The following HM13 variants were observed in gnomAD, a reference collection of about 807,000 sequenced individuals.
HM13 encodes the protein signal peptide peptidase.
In HM13, 18 loss-of-function variants were observed where a neutral mutation model predicts 50.0. The ratio of observed to expected loss-of-function variants is 0.36; its 90% CI spans 0.25 to 0.53. HM13 has a LOEUF of 0.53. HM13 is among the 20% of genes least tolerant of loss of function. HM13 has a pLI of 0.90. For synonymous variants in HM13, 197 were observed against 232.6 expected (o/e 0.85, Z 1.39); for missense variants, 393 against 552.4 (o/e 0.71, Z 2.89).
intron 4 of HM13, chr20:31,547,962 A>C: frequency 1.3e-6 from 2 of 1,513,920 alleles, no homozygotes; most frequent in Non-Finnish European, 1.8e-6. Context: ...TGTCTGCAGA[A>C]GATATTGAGA....
At chr20:31,529,131 A>G (rs1293709065) in intron 2 of HM13, among the ~76,000 whole-genome samples, 2 of 151,736 alleles carry the variant, frequency 1.3e-5, no homozygotes, top group African/African-American at 4.8e-5. Context: ...GTTTTATTGT[A>G]TTTTATTTTT....
At position 31,514,470 on chromosome 20, in the gene HM13, T is replaced by C. The variant is rs1239879554; in HGVS notation, c.-82T>C. On this transcript the variant is annotated 5_prime_UTR_variant, in exon 1 of 13. Transcript: ENST00000398174. This position sits in a 1 kb window ranked among gnomAD's most constrained non-coding sequence, Gnocchi z 4.3. ...TCCTGTTGCCTTAGGGGAACGTGGCTTTCCCTGCAGAGCCGGTGTCTCCGC... is the reference window on the plus strand; with the variant it reads ...TCCTGTTGCCTTAGGGGAACGTGGCCTTCCCTGCAGAGCCGGTGTCTCCGC... 6.8e-7 allele frequency: 1 copy of C among 1,467,012 alleles called. No homozygotes were observed. The allele number at this position is 1,467,012 out of a possible 1,614,324, so 90.9% of individuals were successfully genotyped here.
rs574932643 is a variant in HM13, at chr20:31,521,051, T to G, written c.183+6317T>G. Among the ~76,000 whole-genome samples, 22 of 152,388 alleles carry G rather than the reference T, an allele frequency of 1.4e-4. No individual in the cohort carries two copies. The South Asian group carries it at 4.6e-3, about 32-fold the overall frequency. ...TTTGTGTCAGGTTTTTCCCCCACTT[T>G]CTAATTGTGTTTTATGTTGCAGGAT... On this transcript the variant is annotated intron_variant, in intron 1 of 12. Coordinates refer to ENST00000398174, the MANE Select transcript of HM13 (RefSeq NM_178581.3).
At chr20:31,517,311 C>T (rs1225789987) in intron 1 of HM13, among the ~76,000 whole-genome samples, 1 of 152,078 alleles carries the variant, frequency 6.6e-6, no homozygotes, top group African/African-American at 2.4e-5. Flanking sequence ...GAAGAAGTAG[C>T]CTTGGGAGGA....
chr20:31,569,514 G>C lies in HM13; in HGVS notation c.*295G>C, dbSNP rs1261903705. On this transcript the variant is annotated 3_prime_UTR_variant, in exon 13 of 13. Transcript: ENST00000398174. ...AGATTTTGTATTGTGGACTGATTTT[G>C]CCTCACATTAAAAACTCATCCCATG... 1 of 267,452 alleles carries C rather than the reference G, an allele frequency of 3.7e-6. No homozygotes were observed. Among genetic ancestry groups the C allele is most frequent in the African/African-American group, 2.2e-5 (1 of 45,422 alleles). 16.6% of individuals were successfully genotyped at this position (267,452 alleles called of 1,614,324 possible).
intron 4 of HM13, chr20:31,547,530 A>G (rs950286496): frequency 2.4e-5 from 19 of 800,846 alleles, no homozygotes; most frequent in Non-Finnish European, 3.8e-5. Context: ...ATGAAAAGGA[A>G]AGTGTGTCCA....
chr20:31,543,070 T>C (rs1466557082), intron 3 of HM13, among the ~76,000 whole-genome samples: 1 of 152,142 alleles, frequency 6.6e-6, no homozygotes, highest in Non-Finnish European at 1.5e-5. Flanking sequence ...CCCCCAAAAC[T>C]GATTCAGCAA....
At chr20:31,517,413 GT>G (rs1223049079) in intron 1 of HM13, among the ~76,000 whole-genome samples, 3 of 152,152 alleles carry the variant, frequency 2.0e-5, no homozygotes, top group Admixed American at 6.6e-5. Context: ...TTAAACATTG[GT>G]TTAAAGGGCC....
intron 7 of HM13, chr20:31,550,335 C>G (rs1983975737): frequency 1.8e-6 from 1 of 564,380 alleles, no homozygotes; most frequent in Middle Eastern, 4.8e-4. Flanking sequence ...CGTGGTGCAG[C>G]ATGGCGTGAA....
intron 1 of HM13, among the ~76,000 whole-genome samples, chr20:31,516,019 A>G (rs1981751933): frequency 6.6e-6 from 1 of 152,216 alleles, no homozygotes; most frequent in Non-Finnish European, 1.5e-5. Flanking sequence ...CAGAGAACTC[A>G]CTACTGGCTC....
rs545597675 is a variant in HM13, at chr20:31,554,192, T to C, written c.725-554T>C. On this transcript the variant is annotated intron_variant, in intron 7 of 12. Transcript: ENST00000398174. ...ATGTGTGAGTTTCATACAACAAGAA[T>C]GGGGGGTTAGGAGTCAAAGTAAGCT... Among the ~76,000 whole-genome samples the C allele has an allele frequency of 6.0e-5, 9 of 151,010 alleles. No homozygotes were observed. The East Asian group carries it at 1.8e-3, about 29-fold the overall frequency.
chr20:31,520,487 A>T (rs2122538191), intron 1 of HM13, among the ~76,000 whole-genome samples: 1 of 151,846 alleles, frequency 6.6e-6, no homozygotes, highest in Non-Finnish European at 1.5e-5. Flanking sequence ...TATTTTTAGT[A>T]GTGACAGGGT....
At position 31,527,467 on chromosome 20, in the gene HM13, A is replaced by G. The variant is rs1379579021; in HGVS notation, c.184-17A>G. On this transcript the variant is annotated splice_polypyrimidine_tract_variant and intron_variant, in intron 1 of 12. Coordinates refer to ENST00000398174, the MANE Select transcript of HM13 (RefSeq NM_178581.3). Reference sequence around the variant, plus strand: ...GAACCAGCCGTGCTGAGCCATTGTCATTCTTCTCTCCTCTAGAATGCTTCA... The same window carrying G: ...GAACCAGCCGTGCTGAGCCATTGTCGTTCTTCTCTCCTCTAGAATGCTTCA... 1.3e-5 allele frequency: 20 copies of G among 1,591,990 alleles called. No individual in the cohort carries two copies.
rs1983966780 is a variant in HM13 at position 31,550,207 on chromosome 20, C to G, written c.724+86C>G. 4.3e-6 allele frequency: 4 copies of G among 934,040 alleles called. No homozygotes were observed. The East Asian group carries it at 9.6e-5, about 22-fold the overall frequency. The allele number at this position is 934,040 out of a possible 1,614,324, so 57.9% of individuals were successfully genotyped here. A position where few individuals can be genotyped will look rare whatever the true frequency, so the allele number is the denominator to read the frequency against. On this transcript the variant is annotated intron_variant, in intron 7 of 12. Transcript: ENST00000398174. ...CAGCCCGTTTCAGTCAGTGCATCTC[C>G]CTATCTCTTCCCCATGTACCTCTTC...
At chr20:31,520,621 G>A (rs1053601496) in intron 1 of HM13, among the ~76,000 whole-genome samples, 2 of 152,128 alleles carry the variant, frequency 1.3e-5, no homozygotes, top group African/African-American at 4.8e-5. Flanking sequence ...AGGTTTTTAA[G>A]CAGATACGTG....
rs11471581 is a variant in HM13, at chr20:31,514,816, A to ACCT, written c.183+84_183+86dup. 215,548 of 1,260,000 alleles carry ACCT rather than the reference A, an allele frequency of 0.17. 30,862 individuals are homozygous for ACCT. Among genetic ancestry groups the ACCT allele is most frequent in the African/African-American group, 0.72 (46,095 of 64,416 alleles). 78.1% of individuals were successfully genotyped at this position (1,260,000 alleles called of 1,614,324 possible). Reference sequence around the variant, plus strand: ...TGGACCCTTCCTAGGCGGGACAGACACCTCTCCCCGGACACTGACTCTTCC... The same window carrying ACCT: ...TGGACCCTTCCTAGGCGGGACAGACACCTCCTCTCCCCGGACACTGACTCTTCC... On this transcript the variant is annotated intron_variant, in intron 1 of 12. Coordinates refer to ENST00000398174, the MANE Select transcript of HM13 (RefSeq NM_178581.3). The surrounding 1 kb of genome is among the most constrained non-coding windows in gnomAD (Gnocchi z 4.3).
intron 2 of HM13, among the ~76,000 whole-genome samples, chr20:31,535,004 T>G (rs1412931334): frequency 6.6e-6 from 1 of 151,382 alleles, no homozygotes; most frequent in Non-Finnish European, 1.5e-5. Context: ...GAGAGTGGCG[T>G]GAACCCGGGA....
intron 8 of HM13, among the ~76,000 whole-genome samples, chr20:31,559,297 A>G (rs768194865): frequency 9.2e-5 from 14 of 151,898 alleles, no homozygotes; most frequent in Non-Finnish European, 2.9e-5. Flanking sequence ...GATTTTGCCT[A>G]CTCCTACATT....
At chr20:31,566,149 G>A in intron 10 of HM13, 61 bp from the exon 11 acceptor site, 1 of 1,293,834 alleles carries the variant, frequency 7.7e-7, no homozygotes, top group South Asian at 1.3e-5. Context: ...TGGGGTGCTG[G>A]GCACGGCCCT....
Sources: allele counts gnomAD v4.1 joint callset (sites outside exome capture counted in the v4.1 genomes callset), GRCh38; gene constraint gnomAD v4.1.1; non-coding constraint Gnocchi (gnomAD v3.1); transcripts MANE v1.5; gene names NCBI Gene and HGNC (gene_info 2026-07-23, HGNC 2026-07-21).